Variants in CNTN5 observed in about 807,000 individuals in gnomAD.
The protein encoded by CNTN5 is contactin 5.
CNTN5 carries 77 observed loss-of-function variants against 129.1 expected under a neutral mutation model. That is an observed-to-expected ratio of 0.60 (90% confidence interval 0.50 to 0.72). The LOEUF is 0.72. Ranked by LOEUF, CNTN5 falls within the 30% of genes least tolerant of loss-of-function variation. The probability of loss-of-function intolerance (pLI) is 0.00; values close to 1 mark genes in which losing one functional copy is unlikely to be tolerated. For synonymous variants in CNTN5, 509 were observed against 465.6 expected, an observed-to-expected ratio of 1.09 and a Z score of -1.20; for missense variants, 1,478 against 1,328.8, an observed-to-expected ratio of 1.11 and a Z score of -1.75.
At chr11:99,421,827 C>T (rs1404422429) in intron 2 of CNTN5, among the ~76,000 whole-genome samples, 1 of 151,942 alleles carries the variant, frequency 6.6e-6, no homozygotes, top group Admixed American at 6.6e-5. Flanking sequence ...ATTAACTTTG[C>T]CTTTGGAAAT....
chr11:99,751,695 T>G lies in CNTN5; in HGVS notation c.56-67849T>G, dbSNP rs181060012. 3.3e-5 allele frequency among the ~76,000 whole-genome samples: 5 copies of G among 152,316 alleles called. No homozygotes were observed. In the East Asian group the frequency reaches 5.8e-4, roughly 18 times the overall value. On this transcript the variant is annotated intron_variant, in intron 3 of 24. Transcript: ENST00000524871. ...ATAGGCTGCCTTTTAATTACTGGTG[T>G]AAATATTTTTGAATTTTTTCTATAA...
At chr11:100,144,671 T>C (rs550465122) in intron 13 of CNTN5, among the ~76,000 whole-genome samples, 7 of 152,228 alleles carry the variant, frequency 4.6e-5, no homozygotes, top group African/African-American at 7.2e-5. Context: ...CAAAATATAA[T>C]TGGGAAATTC....
Position 99,556,570 on chromosome 11 carries a change from T to TATATAC in CNTN5, c.55+306_55+307insCATATA, listed in dbSNP as rs1212212164. Among the ~76,000 whole-genome samples the TATATAC allele has an allele frequency of 1.0e-4, 14 of 136,570 alleles. No homozygotes were observed. In the East Asian group the frequency reaches 2.3e-3, roughly 22 times the overall value. The allele number at this position is 136,570 out of a possible 152,430, so 89.6% of individuals were successfully genotyped here. On this transcript the variant is annotated intron_variant, in intron 3 of 24. Coordinates refer to ENST00000524871, the MANE Select transcript of CNTN5 (RefSeq NM_014361.4). Reference sequence around the variant, plus strand: ...AGGCTTGGAAATATATATATATATATATATATATATATATATATATATATC... The same window carrying TATATAC: ...AGGCTTGGAAATATATATATATATATATATACATATATATATATATATATATATATC...
chr11:99,851,579 A>G (rs1947874805), intron 6 of CNTN5, among the ~76,000 whole-genome samples: 1 of 152,204 alleles, frequency 6.6e-6, no homozygotes, highest in African/African-American at 2.4e-5. Context: ...AGTCAAACAT[A>G]TAATGAATCA....
chr11:99,729,919 G>A (rs956188083), intron 3 of CNTN5, among the ~76,000 whole-genome samples: 3 of 152,124 alleles, frequency 2.0e-5, no homozygotes, highest in African/African-American at 4.8e-5. Context: ...GTACAGAGAG[G>A]GAGAGCATTA....
intron 3 of CNTN5, among the ~76,000 whole-genome samples, chr11:99,774,262 A>T (rs767825465): frequency 2.0e-5 from 3 of 151,280 alleles, no homozygotes; most frequent in Non-Finnish European, 4.4e-5. Context: ...CCCAACACTT[A>T]TCAGAGTGAT....
At chr11:99,083,386 G>T (rs1348784933) in intron 1 of CNTN5, among the ~76,000 whole-genome samples, 3 of 152,058 alleles carry the variant, frequency 2.0e-5, no homozygotes, top group Non-Finnish European at 4.4e-5. Context: ...ACGTCCTTTG[G>T]TATCAGGTGG....
intron 6 of CNTN5, among the ~76,000 whole-genome samples, chr11:99,883,799 C>T (rs1225977910): frequency 1.3e-5 from 2 of 152,144 alleles, no homozygotes; most frequent in African/African-American, 4.8e-5. Flanking sequence ...AATCAGCTTT[C>T]TTTAAGAACA....
chr11:99,619,823 A>G (rs892223276), intron 3 of CNTN5, among the ~76,000 whole-genome samples: 11 of 152,050 alleles, frequency 7.2e-5, no homozygotes, highest in East Asian at 3.9e-4. Flanking sequence ...TCAGGAGATC[A>G]AGACCATCCT....
chr11:99,126,299 G>C (rs1858630057), intron 1 of CNTN5, among the ~76,000 whole-genome samples: 1 of 152,112 alleles, frequency 6.6e-6, no homozygotes, highest in African/African-American at 2.4e-5. Flanking sequence ...GTTAATATTA[G>C]CAGGACTAGT....
intron 2 of CNTN5, among the ~76,000 whole-genome samples, chr11:99,398,851 C>T (rs1016872313): frequency 6.6e-6 from 1 of 151,734 alleles, no homozygotes; most frequent in Non-Finnish European, 1.5e-5. Flanking sequence ...CATATCACCT[C>T]TCTCCCTCCT....
Position 100,314,253 on chromosome 11 carries a change from A to T in CNTN5, c.2730+5785A>T, listed in dbSNP as rs77515233. Among the ~76,000 whole-genome samples, 345 of 152,250 alleles carry T rather than the reference A, an allele frequency of 2.3e-3. 15 individuals carry two copies. The East Asian group carries it at 0.061, about 27-fold the overall frequency. ...TTGGTATCAGAAATGGTTAAGAGCA[A>T]AATTCAACATCTGAATATATTTTTG... On this transcript the variant is annotated intron_variant, in intron 21 of 24. Transcript: ENST00000524871.
At chr11:99,479,833 A>G (rs1182217501) in intron 2 of CNTN5, among the ~76,000 whole-genome samples, 1 of 152,090 alleles carries the variant, frequency 6.6e-6, no homozygotes, top group African/African-American at 2.4e-5. Context: ...AAATGGTCTG[A>G]TGAAAATTTT....
chr11:99,731,301 C>G (rs1015017487), intron 3 of CNTN5, among the ~76,000 whole-genome samples: 3 of 151,600 alleles, frequency 2.0e-5, no homozygotes, highest in African/African-American at 7.3e-5. Flanking sequence ...TTAGTAGAGA[C>G]GGGGTTTCAC....
intron 3 of CNTN5, among the ~76,000 whole-genome samples, chr11:99,774,548 A>G (rs970655054): frequency 6.6e-6 from 1 of 151,860 alleles, no homozygotes; most frequent in African/African-American, 2.4e-5. Context: ...ACTACCTTGT[A>G]TCCCTTAATG....
intron 9 of CNTN5, among the ~76,000 whole-genome samples, chr11:100,046,462 C>G (rs1021511303): frequency 6.6e-6 from 1 of 152,080 alleles, no homozygotes; most frequent in African/African-American, 2.4e-5. Flanking sequence ...TTTTAACATA[C>G]ATTCTTTATT....
At chr11:99,094,305 T>C (rs1866380215) in intron 1 of CNTN5, among the ~76,000 whole-genome samples, 1 of 152,072 alleles carries the variant, frequency 6.6e-6, no homozygotes, top group South Asian at 2.1e-4. Context: ...TAAATTAATG[T>C]GTGTCTAAAA....
chr11:100,058,721 A>G (rs757846743), intron 9 of CNTN5, among the ~76,000 whole-genome samples: 2 of 151,936 alleles, frequency 1.3e-5, no homozygotes, highest in Non-Finnish European at 2.9e-5. Flanking sequence ...AATGTCACTT[A>G]TAATGGAGAA....
intron 6 of CNTN5, among the ~76,000 whole-genome samples, chr11:99,904,922 C>A (rs542291719): frequency 3.3e-5 from 5 of 152,088 alleles, no homozygotes; most frequent in Non-Finnish European, 2.9e-5. Context: ...ATATGTTTGT[C>A]GGCTGCATAA....
Sources: allele counts gnomAD v4.1 joint callset (sites outside exome capture counted in the v4.1 genomes callset), GRCh38; gene constraint gnomAD v4.1.1; transcripts MANE v1.5; gene names NCBI Gene and HGNC (gene_info 2026-07-23, HGNC 2026-07-21).